Variants in SH3D19 observed in about 807,000 individuals in gnomAD.
SH3D19 encodes the protein SH3 domain containing 19, also known as SH3 domain-containing protein 19.
Under a neutral mutation model 112.1 loss-of-function variants are expected in SH3D19, and 58 were observed. That is an observed-to-expected ratio of 0.52 (90% CI 0.42 to 0.64). The LOEUF (loss-of-function observed/expected upper bound fraction) is 0.64. SH3D19 is among the 30% of genes least tolerant of loss of function. SH3D19 has a pLI of 0.00. For missense variants in SH3D19, 1,090 were observed against 1,263.4 expected (o/e 0.86, Z 2.08); for synonymous variants, 391 against 448.5 (o/e 0.87, Z 1.62).
chr4:151,322,775 G>A (rs1339578066), intron 1 of SH3D19, among the ~76,000 whole-genome samples: 2 of 152,192 alleles, frequency 1.3e-5, no homozygotes, highest in Admixed American at 6.5e-5. Context: ...GCCTTTGAAT[G>A]AAAAGAACTC....
intron 1 of SH3D19, among the ~76,000 whole-genome samples, chr4:151,260,176 C>T (rs1054565851): frequency 6.6e-6 from 1 of 152,166 alleles, no homozygotes; most frequent in Non-Finnish European, 1.5e-5. Flanking sequence ...TTAAGGTATC[C>T]ATCACCCAAA....
At chr4:151,258,931 C>T (rs557425361) in intron 1 of SH3D19, among the ~76,000 whole-genome samples, 51 of 147,164 alleles carry the variant, frequency 3.5e-4, no homozygotes, top group African/African-American at 1.2e-3. Context: ...CTGGGGATTT[C>T]GGGTGAGCCC....
At chr4:151,161,633 TATATA>T (rs1757162671) in intron 8 of SH3D19, among the ~76,000 whole-genome samples, 2 of 142,160 alleles carry the variant, frequency 1.4e-5, no homozygotes, top group African/African-American at 5.3e-5. Flanking sequence ...TATATATATA[TATATA>T]TATTTTAATT....
intron 2 of SH3D19, among the ~76,000 whole-genome samples, chr4:151,222,284 A>G (rs1043417095): frequency 3.3e-5 from 5 of 152,350 alleles, no homozygotes; most frequent in East Asian, 3.9e-4. Context: ...ATGTCTACAA[A>G]AAAGCTGAAG....
At chr4:151,133,777 A>G (rs143023481) in intron 15 of SH3D19, among the ~76,000 whole-genome samples, 189 of 152,330 alleles carry the variant, frequency 1.2e-3, no homozygotes, top group Admixed American at 4.5e-3. Flanking sequence ...CATAACACAC[A>G]GTCTTGGAAC....
intron 1 of SH3D19, among the ~76,000 whole-genome samples, chr4:151,272,317 G>A (rs979153597): frequency 2.0e-5 from 3 of 152,122 alleles, no homozygotes; most frequent in African/African-American, 7.2e-5. Context: ...ACTTGCTTAA[G>A]GTAATAAGGT....
At chr4:151,248,441 A>C (rs1218389133) in intron 1 of SH3D19, among the ~76,000 whole-genome samples, 1 of 152,230 alleles carries the variant, frequency 6.6e-6, no homozygotes, top group Non-Finnish European at 1.5e-5. Flanking sequence ...GATTTCTCTA[A>C]TTAGGAAGCA....
At chr4:151,204,504 T>C (rs1213431059) in intron 2 of SH3D19, among the ~76,000 whole-genome samples, 1 of 152,250 alleles carries the variant, frequency 6.6e-6, no homozygotes, top group Non-Finnish European at 1.5e-5. Flanking sequence ...TACCTCAGTG[T>C]CTAGCAAAAT....
intron 7 of SH3D19, among the ~76,000 whole-genome samples, chr4:151,169,501 C>T (rs2149815049): frequency 6.6e-6 from 1 of 152,296 alleles, no homozygotes; most frequent in South Asian, 2.1e-4. Flanking sequence ...AACAGCATCA[C>T]TTCAATGAGA....
intron 1 of SH3D19, among the ~76,000 whole-genome samples, chr4:151,270,000 A>G (rs1307826177): frequency 6.6e-6 from 1 of 152,160 alleles, no homozygotes; most frequent in Non-Finnish European, 1.5e-5. Context: ...CTACTATGAT[A>G]ACAATGCCTT....
At chr4:151,130,123 C>T (rs566369113) in intron 17 of SH3D19, among the ~76,000 whole-genome samples, 6 of 152,258 alleles carry the variant, frequency 3.9e-5, no homozygotes, top group African/African-American at 1.2e-4. Context: ...TCCCATCAGG[C>T]TTAACTCTTC....
chr4:151,175,928 T>C (rs905751889), intron 6 of SH3D19, among the ~76,000 whole-genome samples: 2 of 152,026 alleles, frequency 1.3e-5, no homozygotes, highest in African/African-American at 4.8e-5. Flanking sequence ...TGGTGTACAG[T>C]GGCTCTAACA....
chr4:151,230,597 C>CT (rs201617546), intron 1 of SH3D19, among the ~76,000 whole-genome samples: 8,298 of 136,948 alleles, frequency 0.061, 382 homozygotes, highest in East Asian at 0.21. Flanking sequence ...TAAAGTGAGT[C>CT]TTTTTTTTTT....
At chr4:151,130,230 C>T (rs1176355450) in intron 17 of SH3D19, among the ~76,000 whole-genome samples, 1 of 152,044 alleles carries the variant, frequency 6.6e-6, no homozygotes, top group Non-Finnish European at 1.5e-5. Context: ...GCGCTTGAGC[C>T]CAGGATTTTG....
At position 151,121,211 on chromosome 4, in the gene SH3D19, A is replaced by G. The variant is rs1337854808; in HGVS notation, c.*880T>C. Reference sequence around the variant, plus strand: ...TATATGTGATTCATAATGTACTACTATAACAAGACACAGTTTTTATATATT... The same window carrying G: ...TATATGTGATTCATAATGTACTACTGTAACAAGACACAGTTTTTATATATT... On this transcript the variant is annotated 3_prime_UTR_variant, in exon 20 of 20. Transcript: ENST00000604030. 1.3e-5 allele frequency: 2 copies of G among 152,684 alleles called. No individual in the cohort carries two copies. The highest frequency in any genetic ancestry group is 4.8e-5 in the African/African-American group (2 of 41,466). 9.5% of individuals were successfully genotyped at this position (152,684 alleles called of 1,614,324 possible).
chr4:151,202,247 A>G (rs1351459457), intron 2 of SH3D19, among the ~76,000 whole-genome samples: 1 of 151,360 alleles, frequency 6.6e-6, no homozygotes, highest in Non-Finnish European at 1.5e-5. Flanking sequence ...AGGCAGGAGA[A>G]TCGCTTGAAC....
At chr4:151,251,255 A>G (rs1466737997) in intron 1 of SH3D19, among the ~76,000 whole-genome samples, 2 of 149,504 alleles carry the variant, frequency 1.3e-5, no homozygotes, top group African/African-American at 5.0e-5. Flanking sequence ...CTGGAGTACA[A>G]TGGTGTGATC....
intron 1 of SH3D19, among the ~76,000 whole-genome samples, chr4:151,226,983 G>A (rs1041031667): frequency 5.9e-5 from 9 of 151,980 alleles, no homozygotes; most frequent in African/African-American, 2.2e-4. Context: ...AATAAATGAA[G>A]TAAAAGGCCG....
At chr4:151,282,557 A>C in intron 1 of SH3D19, 2 of 827,738 alleles carry the variant, frequency 2.4e-6, no homozygotes, top group Non-Finnish European at 3.6e-6. Context: ...AAGTTTTTAA[A>C]TAAAATATCT....
Sources: allele counts gnomAD v4.1 joint callset (sites outside exome capture counted in the v4.1 genomes callset), GRCh38; gene constraint gnomAD v4.1.1; transcripts MANE v1.5; gene names NCBI Gene and HGNC (gene_info 2026-07-23, HGNC 2026-07-21).